Variants in GRIA4 observed in about 807,000 individuals in gnomAD.
The protein encoded by GRIA4 is glutamate receptor 4.
GRIA4 carries 34 observed loss-of-function variants against 104.0 expected under a neutral mutation model. That is an observed-to-expected ratio of 0.33 (90% confidence interval 0.25 to 0.44). The LOEUF (loss-of-function observed/expected upper bound fraction) is 0.44, where lower values mean the gene tolerates loss of function less well. GRIA4 is among the 20% of genes least tolerant of loss of function. The probability of loss-of-function intolerance (pLI) is 1.00; values close to 1 mark genes in which losing one functional copy is unlikely to be tolerated. For missense variants in GRIA4, 750 were observed against 1,096.5 expected (o/e 0.68, Z 4.46); for synonymous variants, 386 against 381.9 (o/e 1.01, Z -0.13).
At chr11:105,777,117 G>A (rs761413890) in intron 4 of GRIA4, among the ~76,000 whole-genome samples, 4 of 152,082 alleles carry the variant, frequency 2.6e-5, no homozygotes, top group Non-Finnish European at 4.4e-5. Context: ...TGCTCCAAAC[G>A]TCATTAACAG....
chr11:105,830,438 T>A (rs1206305816), intron 4 of GRIA4, among the ~76,000 whole-genome samples: 2 of 152,048 alleles, frequency 1.3e-5, no homozygotes, highest in African/African-American at 2.4e-5. Flanking sequence ...GCTATTTATG[T>A]AGAACCTGGA....
intron 4 of GRIA4, 130 bp from the exon 5 acceptor site, chr11:105,861,894 C>T: frequency 3.2e-6 from 2 of 628,806 alleles, no homozygotes; most frequent in Admixed American, 2.9e-5. Context: ...GAAATAACCA[C>T]ACAGACTTTA....
At chr11:105,670,617 G>A (rs1358312636) in intron 3 of GRIA4, among the ~76,000 whole-genome samples, 1 of 152,114 alleles carries the variant, frequency 6.6e-6, no homozygotes, top group Non-Finnish European at 1.5e-5. Context: ...GCATGCATAA[G>A]TGTATTTATT....
intron 4 of GRIA4, among the ~76,000 whole-genome samples, chr11:105,852,724 A>C (rs187503024): frequency 6.6e-6 from 1 of 152,290 alleles, no homozygotes; most frequent in African/African-American, 2.4e-5. Flanking sequence ...TAGGATATAA[A>C]AATTAGGCGA....
intron 4 of GRIA4, among the ~76,000 whole-genome samples, chr11:105,846,695 T>C (rs1944608852): frequency 6.6e-6 from 1 of 152,116 alleles, no homozygotes; most frequent in Non-Finnish European, 1.5e-5. Flanking sequence ...GTAATTCCTA[T>C]TACCACAAAA....
rs1939131043 is a variant in GRIA4, at chr11:105,738,931, A to AAAAAAAAAAAAAC, written c.248-14038_248-14037insCAAAAAAAAAAAA. ...TGGAAGTTGACAAGTAAAAAAAAAC[A>AAAAAAAAAAAAAC]AAAAAAAAAAAAACAAAAAAAACCC... On this transcript the variant is annotated intron_variant, in intron 3 of 16. Transcript: ENST00000282499. Among the ~76,000 whole-genome samples the AAAAAAAAAAAAAC allele has an allele frequency of 5.8e-5, 4 of 68,978 alleles. No homozygotes were observed. In the South Asian group the frequency reaches 2.1e-3, roughly 37 times the overall value. The allele number at this position is 68,978 out of a possible 152,430, so 45.3% of individuals were successfully genotyped here. A position where few individuals can be genotyped will look rare whatever the true frequency, so the allele number is the denominator to read the frequency against.
intron 16 of GRIA4, among the ~76,000 whole-genome samples, chr11:105,975,757 T>C (rs985780564): frequency 1.3e-5 from 2 of 152,092 alleles, no homozygotes; most frequent in African/African-American, 4.8e-5. Flanking sequence ...CTAAACACGC[T>C]TGATTTTTTA....
intron 11 of GRIA4, among the ~76,000 whole-genome samples, chr11:105,919,965 G>C (rs548068324): frequency 9.9e-5 from 15 of 152,210 alleles, no homozygotes; most frequent in African/African-American, 3.4e-4. Context: ...CATAACTGAA[G>C]TCCTAGGAGG....
At chr11:105,865,750 T>A (rs576890509) in intron 5 of GRIA4, among the ~76,000 whole-genome samples, 1 of 152,214 alleles carries the variant, frequency 6.6e-6, no homozygotes, top group African/African-American at 2.4e-5. Context: ...CAATTGAACA[T>A]TGAAGTGTCA....
intron 11 of GRIA4, among the ~76,000 whole-genome samples, chr11:105,922,934 A>G (rs913345308): frequency 1.3e-5 from 2 of 152,180 alleles, no homozygotes; most frequent in Non-Finnish European, 2.9e-5. Context: ...ATAACCTTCC[A>G]GCAATGGTCT....
At chr11:105,970,530 G>C (rs1858629593) in intron 14 of GRIA4, among the ~76,000 whole-genome samples, 1 of 152,140 alleles carries the variant, frequency 6.6e-6, no homozygotes, top group Non-Finnish European at 1.5e-5. Flanking sequence ...TGTGAATGAT[G>C]TTAGTGAACA....
chr11:105,919,422 T>C (rs1271202988), intron 11 of GRIA4, among the ~76,000 whole-genome samples: 1 of 152,158 alleles, frequency 6.6e-6, no homozygotes, highest in African/African-American at 2.4e-5. Flanking sequence ...TCATCAATAA[T>C]GTCAGATTCT....
intron 4 of GRIA4, among the ~76,000 whole-genome samples, chr11:105,849,145 T>A (rs549502248): frequency 1.3e-5 from 2 of 152,224 alleles, no homozygotes; most frequent in Admixed American, 1.3e-4. Context: ...TGAGCCCAGA[T>A]TGCGCCACTG....
chr11:105,763,431 T>C (rs1026927330), intron 4 of GRIA4, among the ~76,000 whole-genome samples: 2 of 152,198 alleles, frequency 1.3e-5, no homozygotes, highest in African/African-American at 4.8e-5. Context: ...AAGTCTGTAA[T>C]GTAAATAGAC....
chr11:105,638,966 G>A (rs1017724440), intron 3 of GRIA4, among the ~76,000 whole-genome samples: 7 of 151,984 alleles, frequency 4.6e-5, no homozygotes, highest in African/African-American at 1.4e-4. Flanking sequence ...TAGTACACAC[G>A]TAGGAGACAA....
At chr11:105,948,598 T>C (rs1157514123) in intron 14 of GRIA4, among the ~76,000 whole-genome samples, 1 of 34,246 alleles carries the variant, frequency 2.9e-5, no homozygotes, top group Non-Finnish European at 5.5e-5. Flanking sequence ...TCTTTTTGTT[T>C]TTTTTTTTTT....
intron 3 of GRIA4, among the ~76,000 whole-genome samples, chr11:105,630,564 G>GAAAAAACAA (rs1951009658): frequency 6.7e-6 from 1 of 150,292 alleles, no homozygotes; most frequent in African/African-American, 2.5e-5. Context: ...CTCCTTCTAG[G>GAAAAAACAA]AAAAAACAAA....
chr11:105,838,745 C>T (rs1436244850), intron 4 of GRIA4, among the ~76,000 whole-genome samples: 1 of 152,136 alleles, frequency 6.6e-6, no homozygotes, highest in Non-Finnish European at 1.5e-5. Context: ...TGCAGAAGAG[C>T]TGACACCCAT....
intron 4 of GRIA4, among the ~76,000 whole-genome samples, chr11:105,816,783 A>C (rs1943393600): frequency 6.6e-6 from 1 of 152,138 alleles, no homozygotes; most frequent in Non-Finnish European, 1.5e-5. Flanking sequence ...AGGCCGAAGC[A>C]GGAGAATCAC....
Sources: allele counts gnomAD v4.1 joint callset (sites outside exome capture counted in the v4.1 genomes callset), GRCh38; gene constraint gnomAD v4.1.1; transcripts MANE v1.5; gene names NCBI Gene and HGNC (gene_info 2026-07-23, HGNC 2026-07-21).